Variants in SLC4A5 observed in about 807,000 individuals in gnomAD.
SLC4A5 encodes electrogenic sodium bicarbonate cotransporter 4.
Under a neutral mutation model 120.4 loss-of-function variants are expected in SLC4A5, and 96 were observed. The observed-to-expected ratio is 0.80, with a 90% CI of 0.68 to 0.94. SLC4A5 has a LOEUF of 0.94. SLC4A5 is among the 40% of genes least tolerant of loss of function. The pLI is 0.00. For missense variants in SLC4A5, 1,259 were observed against 1,459.5 expected (o/e 0.86, Z 2.24); for synonymous variants, 550 against 571.1 (o/e 0.96, Z 0.53).
intron 3 of SLC4A5, among the ~76,000 whole-genome samples, 184 bp downstream of exon 3, chr2:74,338,671 G>C (rs569086210): frequency 1.3e-5 from 2 of 152,182 alleles, no homozygotes; most frequent in African/African-American, 4.8e-5. Flanking sequence ...AAATACAAAA[G>C]TCAGCCAGGT....
intron 20 of SLC4A5, among the ~76,000 whole-genome samples, chr2:74,239,904 G>C (rs1169930904): frequency 6.6e-6 from 1 of 151,768 alleles, no homozygotes; most frequent in Admixed American, 6.6e-5. Flanking sequence ...TCATATATGG[G>C]GGATCACCTC....
intron 5 of SLC4A5, among the ~76,000 whole-genome samples, chr2:74,326,689 C>T (rs1673224143): frequency 6.6e-6 from 1 of 152,092 alleles, no homozygotes; most frequent in African/African-American, 2.4e-5. Context: ...TGTGGTGGTG[C>T]ACGCCTGTAA....
intron 4 of SLC4A5, among the ~76,000 whole-genome samples, chr2:74,330,780 G>T (rs1247528801): frequency 2.0e-5 from 3 of 149,740 alleles, no homozygotes; most frequent in African/African-American, 7.4e-5. Context: ...CATGGAGGTG[G>T]TGAGGTCTAG....
intron 7 of SLC4A5, among the ~76,000 whole-genome samples, chr2:74,294,394 AATT>A (rs1672266499): frequency 6.6e-6 from 1 of 152,184 alleles, no homozygotes; most frequent in African/African-American, 2.4e-5. Context: ...GGTAAAAGGC[AATT>A]ATTACTCATG....
intron 8 of SLC4A5, among the ~76,000 whole-genome samples, chr2:74,284,685 G>A (rs2104164149): frequency 6.6e-6 from 1 of 152,184 alleles, no homozygotes; most frequent in South Asian, 2.1e-4. Flanking sequence ...ATTGGGCACT[G>A]CTGAACAGTC....
At chr2:74,223,221 G>T (rs1694719376) in intron 28 of SLC4A5, among the ~76,000 whole-genome samples, 1 of 152,068 alleles carries the variant, frequency 6.6e-6, no homozygotes, top group African/African-American at 2.4e-5. Context: ...GGCCAGGCTG[G>T]TCTTGAACTC....
At chr2:74,224,904 T>C in exon 28 of SLC4A5, 1 of 1,614,164 alleles carries the variant, frequency 6.2e-7, no homozygotes, top group Non-Finnish European at 8.5e-7. Flanking sequence ...CTCCTTTTTT[T>C]CCTTCTCTGG....
intron 10 of SLC4A5, 110 bp downstream of exon 10, chr2:74,264,037 C>T: frequency 7.2e-7 from 1 of 1,388,192 alleles, no homozygotes; most frequent in African/African-American, 1.4e-5. Context: ...ATCCCCAGAA[C>T]ATCAGAATTT....
chr2:74,259,363 C>A (rs1348964125), intron 12 of SLC4A5, among the ~76,000 whole-genome samples: 3 of 152,150 alleles, frequency 2.0e-5, no homozygotes. Context: ...CTGTCCCACA[C>A]CCCCAGGGCC....
intron 7 of SLC4A5, among the ~76,000 whole-genome samples, chr2:74,298,295 A>T (rs1325435133): frequency 6.6e-6 from 1 of 152,204 alleles, no homozygotes; most frequent in Admixed American, 6.5e-5. Context: ...AGTATCTGAC[A>T]AGAGTGGTAA....
At chr2:74,285,552 T>A (rs1558895159) in intron 8 of SLC4A5, among the ~76,000 whole-genome samples, 1 of 152,226 alleles carries the variant, frequency 6.6e-6, no homozygotes. Context: ...TGGATGACTG[T>A]TCTATCTTCC....
chr2:74,316,524 C>G (rs181770417), intron 5 of SLC4A5, among the ~76,000 whole-genome samples: 4 of 152,086 alleles, frequency 2.6e-5, no homozygotes, highest in African/African-American at 7.2e-5. Flanking sequence ...AACTGACCAG[C>G]ATTTATGTTA....
chr2:74,223,257 G>A (rs1572999485), intron 28 of SLC4A5, among the ~76,000 whole-genome samples: 1 of 151,970 alleles, frequency 6.6e-6, no homozygotes, highest in East Asian at 1.9e-4. Flanking sequence ...CCCCTGCCTC[G>A]GCCTCCCAAA....
chr2:74,261,601 C>T (rs761866022), intron 11 of SLC4A5, among the ~76,000 whole-genome samples: 25 of 152,152 alleles, frequency 1.6e-4, no homozygotes, highest in East Asian at 7.7e-4. Flanking sequence ...GTATCCCTGA[C>T]GAGGTGCATG....
chr2:74,315,651 C>T (rs1672945753), intron 5 of SLC4A5, among the ~76,000 whole-genome samples: 1 of 150,062 alleles, frequency 6.7e-6, no homozygotes, highest in South Asian at 2.1e-4. Context: ...TATATATGCG[C>T]CAGGTGTGAT....
rs373979491 is a variant in SLC4A5, at chr2:74,234,419, C to T, written c.2433+682G>A. Among the ~76,000 whole-genome samples, 599 of 152,264 alleles carry T rather than the reference C, an allele frequency of 3.9e-3. 6 individuals are homozygous for T. The highest frequency in any genetic ancestry group is 0.013 in the African/African-American group (531 of 41,534). ...GTCTCAATCTCCTCACCTCATGATC[C>T]GCCCACCTCGGCCTCCCAAAGTTCT... On this transcript the variant is annotated intron_variant, in intron 22 of 30. Transcript: ENST00000394019.
At position 74,328,936 on chromosome 2, in the gene SLC4A5, T is replaced by G. The variant is rs184831100; in HGVS notation, c.-69-750A>C. Among the ~76,000 whole-genome samples, 8 of 152,292 alleles carry G rather than the reference T, an allele frequency of 5.3e-5. No homozygotes were observed. The East Asian group carries it at 1.5e-3, about 29-fold the overall frequency. Reference sequence around the variant, plus strand: ...TTTGTAAAATGCTCCAAGGTGACCTTTTCGGAGAGATCAGGTGACACCAAA... The same window carrying G: ...TTTGTAAAATGCTCCAAGGTGACCTGTTCGGAGAGATCAGGTGACACCAAA... On this transcript the variant is annotated intron_variant, in intron 4 of 30. Transcript: ENST00000394019.
chr2:74,260,824 A>G (rs749781079), intron 11 of SLC4A5, among the ~76,000 whole-genome samples: 4 of 152,136 alleles, frequency 2.6e-5, no homozygotes, highest in Non-Finnish European at 4.4e-5. Context: ...AGGGGTTCCC[A>G]TTATCTTCAG....
chr2:74,320,179 AAAAT>A (rs1673061380), intron 5 of SLC4A5, among the ~76,000 whole-genome samples: 1 of 152,172 alleles, frequency 6.6e-6, no homozygotes, highest in Non-Finnish European at 1.5e-5. Flanking sequence ...CCCAAACATC[AAAAT>A]AATAGGAGTT....
Sources: gnomAD v4.1 joint callset for allele counts (sites outside exome capture counted in the v4.1 genomes callset) on GRCh38, gnomAD v4.1.1 for gene constraint, MANE v1.5 for transcripts, NCBI Gene and HGNC (gene_info 2026-07-23, HGNC 2026-07-21) for gene names.